The following NFAT5 variants were observed in gnomAD, a reference collection of about 807,000 sequenced individuals.
NFAT5 encodes the protein nuclear factor of activated T cells 5.
NFAT5 carries 31 observed loss-of-function variants against 166.5 expected under a neutral mutation model. That is an observed-to-expected ratio of 0.19 (90% CI 0.14 to 0.25). NFAT5 has a LOEUF of 0.25. Among genes scored for constraint, NFAT5 ranks in the 10% least tolerant of loss-of-function variants. The pLI is 1.00. For missense variants in NFAT5, 1,449 were observed against 1,821.8 expected (o/e 0.80, Z 3.72); for synonymous variants, 612 against 639.7 (o/e 0.96, Z 0.65).
chr16:69,675,946 CTTTA>C (rs919908346), intron 9 of NFAT5, among the ~76,000 whole-genome samples: 9 of 152,110 alleles, frequency 5.9e-5, no homozygotes, highest in African/African-American at 1.9e-4. Context: ...TGGCCTAGTT[CTTTA>C]TTTATAATGT....
intron 3 of NFAT5, among the ~76,000 whole-genome samples, chr16:69,643,703 A>G (rs906138772): frequency 2.7e-4 from 41 of 152,328 alleles, no homozygotes; most frequent in African/African-American, 8.4e-4. Context: ...TTGCCAGCTT[A>G]TCTTTAATGT....
Position 69,693,976 on chromosome 16 carries a change from G to A in NFAT5, c.4151G>A (p.Ser1384Asn). The change falls in exon 13 of 15, where the codon AGT becomes AAT. Residue 1384 changes from serine to asparagine, a missense_variant. Around this residue, in one of 7 missense-constraint regions of NFAT5, gnomAD observed 891 missense variants for 993.0 expected, o/e 0.90. Coordinates refer to ENST00000349945, the MANE Select transcript of NFAT5 (RefSeq NM_138713.4). ...PQIQLVQGSP[S>N]SQEQQVTLFL... is the part of the protein sequence containing the mutation. ...ATTCAGTTGGTACAAGGGTCACCTA[G>A]TTCTCAAGAGCAGCAAGTAACTCTC... The A allele has an allele frequency of 6.2e-7, 1 of 1,614,164 alleles. No homozygotes were observed. Among genetic ancestry groups the A allele is most frequent in the African/African-American group, 1.3e-5 (1 of 75,036 alleles).
At chr16:69,612,718 CA>C (rs1457219703) in intron 2 of NFAT5, among the ~76,000 whole-genome samples, 6 of 150,608 alleles carry the variant, frequency 4.0e-5, no homozygotes, top group African/African-American at 1.5e-4. Context: ...ACACACACAC[CA>C]AAAACCTAGC....
At chr16:69,616,213 C>T (rs986077040) in intron 2 of NFAT5, among the ~76,000 whole-genome samples, 16 of 152,054 alleles carry the variant, frequency 1.1e-4, no homozygotes, top group African/African-American at 3.4e-4. Context: ...GGCTCCAAGG[C>T]CTCACATGCC....
intron 2 of NFAT5, among the ~76,000 whole-genome samples, chr16:69,625,856 A>G (rs2034431462): frequency 6.6e-6 from 1 of 152,020 alleles, no homozygotes; most frequent in Non-Finnish European, 1.5e-5. Context: ...TCTAGAGACT[A>G]TCTTGAACAT....
chr16:69,692,124 C>T lies in NFAT5; in HGVS notation c.2299C>T (p.Gln767Ter). The T allele has an allele frequency of 6.2e-7, 1 of 1,614,126 alleles. No individual in the cohort carries two copies. The highest frequency in any genetic ancestry group is 8.5e-7 in the Non-Finnish European group (1 of 1,180,048). Reference sequence around the variant, plus strand: ...ACAGCAGCAGTCACCACTACAAGAACAAGCACAGACTTTACAGCAGCAGAT... The same window carrying T: ...ACAGCAGCAGTCACCACTACAAGAATAAGCACAGACTTTACAGCAGCAGAT... ...QQQQQSPLQE[Q>*]AQTLQQQISS... Residue 767 changes from glutamine (Q) to a stop codon, truncating the protein, a stop_gained, in exon 13 of 15, where the codon CAA (glutamine) becomes TAA (stop). Transcript: ENST00000349945. LOFTEE classifies it high-confidence loss of function.
chr16:69,683,125 C>T (rs537659927), intron 10 of NFAT5, among the ~76,000 whole-genome samples: 6 of 152,196 alleles, frequency 3.9e-5, no homozygotes, highest in African/African-American at 1.4e-4. Flanking sequence ...GCAGGAGAAT[C>T]GCTTGAACCC....
At chr16:69,679,840 C>T (rs888425114) in intron 10 of NFAT5, among the ~76,000 whole-genome samples, 1 of 152,140 alleles carries the variant, frequency 6.6e-6, no homozygotes, top group East Asian at 1.9e-4. Flanking sequence ...GTTGGCTGGG[C>T]ATGGTGGCTC....
chr16:69,587,944 CTTTTTTTTTTTTTTTTT>C (rs61460423), intron 2 of NFAT5, among the ~76,000 whole-genome samples: 1 of 68,232 alleles, frequency 1.5e-5, no homozygotes, highest in Admixed American at 1.8e-4. Flanking sequence ...ATAGTGCTTT[CTTTTTTTTTTTTTTTTT>C]TTTTTTTTTG....
chr16:69,598,252 C>T (rs982293882), intron 2 of NFAT5, among the ~76,000 whole-genome samples: 13 of 151,730 alleles, frequency 8.6e-5, no homozygotes, highest in Non-Finnish European at 1.5e-4. Context: ...GTGGTGTGTG[C>T]CTGCAGTCAC....
Position 69,695,322 on chromosome 16 carries a change from T to A in NFAT5, c.4601T>A (p.Leu1534Ter). Residue 1534 changes from leucine (L) to a stop codon, truncating the protein, a stop_gained, in exon 14 of 15, where the codon TTG becomes TAG. Coordinates refer to ENST00000349945, the MANE Select transcript of NFAT5 (RefSeq NM_138713.4). LOFTEE classifies it high-confidence loss of function. Reference sequence around the variant, plus strand: ...AACCAGAACATCGAAAAGATTGATTTGCTTGTTTCATTGCAAAACCAAGGG... The same window carrying A: ...AACCAGAACATCGAAAAGATTGATTAGCTTGTTTCATTGCAAAACCAAGGG... Reference protein sequence around the residue: ...NTNQNIEKIDLLVSLQNQGNN... With the variant: ...NTNQNIEKID 6.2e-7 allele frequency: 1 copy of A among 1,614,240 alleles called. No homozygotes were observed. Among genetic ancestry groups the A allele is most frequent in the South Asian group, 1.1e-5 (1 of 91,088 alleles).
chr16:69,653,067 T>C (rs1291363678), intron 4 of NFAT5, among the ~76,000 whole-genome samples, 169 bp from the exon 5 acceptor site: 1 of 152,228 alleles, frequency 6.6e-6, no homozygotes, highest in Non-Finnish European at 1.5e-5. Flanking sequence ...TTTTTAAAGA[T>C]ACTTTGCTCA....
intron 2 of NFAT5, among the ~76,000 whole-genome samples, chr16:69,577,807 C>T (rs2016843838): frequency 6.6e-6 from 1 of 152,070 alleles, no homozygotes; most frequent in Non-Finnish European, 1.5e-5. Context: ...TATATATATT[C>T]TGCCACTGCA....
At chr16:69,600,075 T>C (rs2033042338) in intron 2 of NFAT5, among the ~76,000 whole-genome samples, 1 of 151,766 alleles carries the variant, frequency 6.6e-6, no homozygotes, top group African/African-American at 2.4e-5. Context: ...GATTGTAGTA[T>C]TGGAGGTTGT....
chr16:69,693,301 T>G lies in NFAT5; in HGVS notation c.3476T>G (p.Phe1159Cys). 6.2e-7 allele frequency: 1 copy of G among 1,614,176 alleles called. No individual in the cohort carries two copies. The highest frequency in any genetic ancestry group is 1.7e-5 in the Admixed American group (1 of 60,020). Reference protein sequence around the residue: ...VPQDQQSTNIFLSQSPMNNLQ... With the variant: ...VPQDQQSTNICLSQSPMNNLQ... Reference sequence around the variant, plus strand: ...CAAGACCAGCAGTCAACCAACATATTTCTTTCCCAGAGTCCCATGAATAAT... The same window carrying G: ...CAAGACCAGCAGTCAACCAACATATGTCTTTCCCAGAGTCCCATGAATAAT... Residue 1159 changes from phenylalanine to cysteine, a missense_variant, in exon 13 of 15, where the codon TTT (phenylalanine) becomes TGT (cysteine). Around this residue, in one of 7 missense-constraint regions of NFAT5, gnomAD observed 891 missense variants for 993.0 expected, o/e 0.90. Coordinates refer to ENST00000349945, the MANE Select transcript of NFAT5 (RefSeq NM_138713.4).
At chr16:69,584,496 T>C (rs552259030) in intron 2 of NFAT5, among the ~76,000 whole-genome samples, 5 of 152,066 alleles carry the variant, frequency 3.3e-5, no homozygotes, top group Non-Finnish European at 7.4e-5. Flanking sequence ...ACCTGGCTAA[T>C]TTTTTGATTT....
chr16:69,575,699 C>T (rs2016709318), intron 2 of NFAT5, among the ~76,000 whole-genome samples: 1 of 151,970 alleles, frequency 6.6e-6, no homozygotes, highest in Non-Finnish European at 1.5e-5. Flanking sequence ...GTACCTGAGG[C>T]AATCTTTGTA....
intron 2 of NFAT5, among the ~76,000 whole-genome samples, chr16:69,573,746 G>T (rs997582881): frequency 6.6e-6 from 1 of 151,806 alleles, no homozygotes; most frequent in Non-Finnish European, 1.5e-5. Flanking sequence ...TAATCCAGTG[G>T]TTCTTGGCCT....
Position 69,704,184 on chromosome 16 carries a change from G to A in NFAT5, c.*7833G>A, listed in dbSNP as rs1298500874. 1 of 152,552 alleles carries A rather than the reference G, an allele frequency of 6.6e-6. No homozygotes were observed. Among genetic ancestry groups the A allele is most frequent in the Admixed American group, 6.6e-5 (1 of 15,248 alleles). The allele number at this position is 152,552 out of a possible 1,614,324, so 9.4% of individuals were successfully genotyped here. On this transcript the variant is annotated 3_prime_UTR_variant, in exon 15 of 15. Coordinates refer to ENST00000349945, the MANE Select transcript of NFAT5 (RefSeq NM_138713.4). ...TTCTTTTGATCTAATGAATGTGTCT[G>A]CTTACCTTGTTTCCTTTTAATTGAT...
Sources: allele counts gnomAD v4.1 joint callset (sites outside exome capture counted in the v4.1 genomes callset), GRCh38; gene constraint gnomAD v4.1.1; regional missense constraint gnomAD v4.1.1; transcripts MANE v1.5; gene names NCBI Gene and HGNC (gene_info 2026-07-23, HGNC 2026-07-21).